Variants in FRMD3 observed in about 807,000 individuals in gnomAD.
FRMD3 encodes the protein FERM domain containing 3.
FRMD3 carries 33 observed loss-of-function variants against 70.2 expected under a neutral mutation model. The ratio of observed to expected loss-of-function variants is 0.47; its 90% confidence interval spans 0.36 to 0.63. The LOEUF (loss-of-function observed/expected upper bound fraction) is 0.63. FRMD3 is among the 20% of genes least tolerant of loss of function. The probability of loss-of-function intolerance (pLI) is 0.00; values close to 1 mark genes in which losing one functional copy is unlikely to be tolerated. For missense variants in FRMD3, 632 were observed against 711.4 expected, an observed-to-expected ratio of 0.89 and a Z score of 1.27; for synonymous variants, 279 against 255.9, an observed-to-expected ratio of 1.09 and a Z score of -0.86.
At chr9:83,525,238 T>C (rs905774124) in intron 1 of FRMD3, among the ~76,000 whole-genome samples, 1 of 152,212 alleles carries the variant, frequency 6.6e-6, no homozygotes, top group African/African-American at 2.4e-5. Flanking sequence ...CCCTGATCTG[T>C]TAACACGTTA....
chr9:83,366,444 G>C (rs963714245), intron 3 of FRMD3, among the ~76,000 whole-genome samples: 1 of 152,098 alleles, frequency 6.6e-6, no homozygotes, highest in Non-Finnish European at 1.5e-5. Flanking sequence ...ATGGTGGCAG[G>C]TGCCTGTAAT....
chr9:83,383,046 A>G (rs1200368018), intron 2 of FRMD3, among the ~76,000 whole-genome samples: 2 of 152,350 alleles, frequency 1.3e-5, no homozygotes, highest in East Asian at 3.9e-4. Context: ...AAGAAGTACA[A>G]ACACCCTGCT....
In FRMD3 at chr9:83,461,777, T is replaced by C. The variant is rs111721588; in HGVS notation, c.148-72069A>G. 7.2e-3 allele frequency among the ~76,000 whole-genome samples: 1,012 copies of C among 139,900 alleles called. 12 individuals are homozygous for C. The highest frequency in any genetic ancestry group is 0.025 in the African/African-American group (952 of 37,536). The allele number at this position is 139,900 out of a possible 152,430, so 91.8% of individuals were successfully genotyped here. On this transcript the variant is annotated intron_variant, in intron 1 of 13. Transcript: ENST00000304195. ...GATCTCAGCTCATTGCAACCTCTGC[T>C]TCAGGGTTCAAGCAATTCTCCTGCC...
Position 83,445,113 on chromosome 9 carries a change from C to T in FRMD3, c.148-55405G>A, listed in dbSNP as rs766390768. The stretch of plus-strand genomic sequence containing the variant: ...TAATAAGGCTGAGCACAGTGGCTCA[C>T]GCCTGTAATCCCAATGCTTTGGGAG... On this transcript the variant is annotated intron_variant, in intron 1 of 13. Transcript: ENST00000304195. Among the ~76,000 whole-genome samples the T allele has an allele frequency of 8.5e-5, 13 of 152,322 alleles. No individual in the cohort carries two copies. In the East Asian group the frequency reaches 1.3e-3, roughly 16 times the overall value.
chr9:83,455,652 T>C (rs1827798202), intron 1 of FRMD3, among the ~76,000 whole-genome samples: 1 of 152,224 alleles, frequency 6.6e-6, no homozygotes, highest in African/African-American at 2.4e-5. Context: ...AATATATATA[T>C]ACATCAGTGT....
intron 1 of FRMD3, among the ~76,000 whole-genome samples, chr9:83,405,072 G>C (rs900520559): frequency 5.3e-5 from 8 of 152,186 alleles, no homozygotes; most frequent in Admixed American, 2.6e-4. Context: ...GATGGGCTGA[G>C]TGAAGACCGA....
intron 1 of FRMD3, among the ~76,000 whole-genome samples, chr9:83,519,008 T>C (rs576146696): frequency 8.5e-4 from 129 of 152,184 alleles, no homozygotes; most frequent in Non-Finnish European, 1.5e-3. Flanking sequence ...GGATTAAAGA[T>C]TTAAATGTAA....
chr9:83,441,823 C>G (rs7022758), intron 1 of FRMD3, among the ~76,000 whole-genome samples: 87,097 of 151,908 alleles, frequency 0.57, 26,127 homozygotes, highest in African/African-American at 0.77. Context: ...TTTCTTCCTG[C>G]CTTTACATAC....
At chr9:83,541,217 T>C (rs1829995850), upstream of FRMD3, among the ~76,000 whole-genome samples, 1 of 152,188 alleles carries the variant, frequency 6.6e-6, no homozygotes, top group South Asian at 2.1e-4. Flanking sequence ...AGACCAACTA[T>C]AAAGTCAACC....
At chr9:83,538,426 TCGCCTCCGCCTCGCCCCCTCCTTTCCC>T (rs1829952541), upstream of FRMD3, 5 of 396,558 alleles carry the variant, frequency 1.3e-5, no homozygotes, top group East Asian at 1.9e-4. This position sits in a 1 kb window ranked among gnomAD's most constrained non-coding sequence, Gnocchi z 4.7. Flanking sequence ...CTCTGTTCGC[TCGCCTCCGCCTCGCCCCCTCCTTTCCC>T]CGCCTCCTTC....
chr9:83,489,541 T>C (rs1454397578), intron 1 of FRMD3, among the ~76,000 whole-genome samples: 1 of 151,806 alleles, frequency 6.6e-6, no homozygotes, highest in African/African-American at 2.4e-5. Context: ...GAAATGCAAA[T>C]AAAAACCACA....
At chr9:83,255,944 G>A (rs192854758) in intron 13 of FRMD3, among the ~76,000 whole-genome samples, 1 of 152,066 alleles carries the variant, frequency 6.6e-6, no homozygotes, top group African/African-American at 2.4e-5. Context: ...TGGCCATACT[G>A]CCCAAAGTAA....
At chr9:83,429,645 T>C (rs976693930) in intron 1 of FRMD3, among the ~76,000 whole-genome samples, 1 of 152,222 alleles carries the variant, frequency 6.6e-6, no homozygotes. Context: ...TGCTTCTTCC[T>C]GGGCCTTCGT....
intron 12 of FRMD3, among the ~76,000 whole-genome samples, chr9:83,294,500 A>C (rs939435900): frequency 1.3e-5 from 2 of 152,232 alleles, no homozygotes; most frequent in Admixed American, 1.3e-4. Context: ...CGCCAGCCCA[A>C]TTGAACTAAT....
chr9:83,257,337 T>C (rs1207948555), intron 13 of FRMD3, among the ~76,000 whole-genome samples: 1 of 151,976 alleles, frequency 6.6e-6, no homozygotes, highest in Admixed American at 6.6e-5. Flanking sequence ...CACATGGACA[T>C]ATTGGGAGGA....
At chr9:83,447,075 C>G (rs1564081864) in intron 1 of FRMD3, among the ~76,000 whole-genome samples, 1 of 152,212 alleles carries the variant, frequency 6.6e-6, no homozygotes, top group East Asian at 1.9e-4. Context: ...CCAGGCTGGG[C>G]TGCAGTGGCG....
chr9:83,325,369 C>T (rs1835970735), intron 6 of FRMD3, among the ~76,000 whole-genome samples: 1 of 152,036 alleles, frequency 6.6e-6, no homozygotes, highest in Admixed American at 6.6e-5. Context: ...CTCTATCGCC[C>T]AGGCTGGAGT....
rs577227648 is a variant in FRMD3, at chr9:83,421,885, G to A, written c.148-32177C>T. Reference sequence around the variant, plus strand: ...AATAGATAGCATGCAATTCACACATGCTAATGGACTCTCTCTACACTGAAC... The same window carrying A: ...AATAGATAGCATGCAATTCACACATACTAATGGACTCTCTCTACACTGAAC... On this transcript the variant is annotated intron_variant, in intron 1 of 13. Transcript: ENST00000304195. Among the ~76,000 whole-genome samples, 21 of 152,246 alleles carry A rather than the reference G, an allele frequency of 1.4e-4. No individual in the cohort carries two copies. The South Asian group carries it at 4.1e-3, about 30-fold the overall frequency.
intron 13 of FRMD3, chr9:83,281,416 C>T (rs2118907186): frequency 6.6e-6 from 1 of 152,370 alleles, no homozygotes; most frequent in South Asian, 2.1e-4. Context: ...ACAACACTCT[C>T]CTCTGGCTCA....
Sources: gnomAD v4.1 joint callset for allele counts (sites outside exome capture counted in the v4.1 genomes callset) on GRCh38, gnomAD v4.1.1 for gene constraint, Gnocchi (gnomAD v3.1) non-coding constraint, MANE v1.5 for transcripts, NCBI Gene and HGNC (gene_info 2026-07-23, HGNC 2026-07-21) for gene names.